IMPG2: variants seen among roughly 807,000 people sequenced by gnomAD.
IMPG2 encodes interphotoreceptor matrix proteoglycan 2, also known as IPM 200.
In IMPG2, 91 loss-of-function variants were observed where a neutral mutation model predicts 129.2. That is an observed-to-expected ratio of 0.70 (90% confidence interval 0.59 to 0.84). The LOEUF (loss-of-function observed/expected upper bound fraction) is 0.84, where lower values mean the gene tolerates loss of function less well. Among genes scored for constraint, IMPG2 ranks in the 40% least tolerant of loss-of-function variants. The probability of loss-of-function intolerance (pLI) is 0.00; values close to 1 mark genes in which losing one functional copy is unlikely to be tolerated. For missense variants in IMPG2, 1,430 were observed against 1,461.7 expected, an observed-to-expected ratio of 0.98 and a Z score of 0.35; for synonymous variants, 510 against 517.7, an observed-to-expected ratio of 0.99 and a Z score of 0.20.
chr3:101,236,147 G>C lies in IMPG2; in HGVS notation c.3023-3156C>G, dbSNP rs538520458. ...GATTTGCATTAGGTTAACACCACAA[G>C]AGTCAAGACTCCCGTGAGACTGAAA... On this transcript the variant is annotated intron_variant, in intron 14 of 18. Coordinates refer to ENST00000193391, the MANE Select transcript of IMPG2 (RefSeq NM_016247.4). Among the ~76,000 whole-genome samples, 4 of 152,276 alleles carry C rather than the reference G, an allele frequency of 2.6e-5. No individual in the cohort carries two copies. The East Asian group carries it at 7.7e-4, about 29-fold the overall frequency.
rs764552145 is a variant in IMPG2, at chr3:101,273,722, A to G, written c.687T>C (p.Asn229=). 15 of 1,613,982 alleles carry G rather than the reference A, an allele frequency of 9.3e-6. No individual in the cohort carries two copies. In the African/African-American group the frequency reaches 1.6e-4, roughly 17 times the overall value. Residue 229 remains asparagine (N), a synonymous_variant, in exon 7 of 19, where the codon AAT becomes AAC. Transcript: ENST00000193391. ...CTGGTTTTGTGGCTTCTTCTATCACATTCTCAATTTCATTGCTAATCTGAA... is the reference window on the plus strand; with the variant it reads ...CTGGTTTTGTGGCTTCTTCTATCACGTTCTCAATTTCATTGCTAATCTGAA... ...PEESISNEIE[N]VIEEATKPAG...
rs1167444879 is a variant in IMPG2 at position 101,244,492 on chromosome 3, A to G, written c.1839T>C (p.Thr613=). The G allele has an allele frequency of 1.9e-6, 3 of 1,613,274 alleles. No homozygotes were observed. Among genetic ancestry groups the G allele is most frequent in the Non-Finnish European group, 1.7e-6 (2 of 1,179,418 alleles). The change falls in exon 13 of 19, where the codon ACT becomes ACC. Residue 613 remains threonine (T), a synonymous_variant. Transcript: ENST00000193391. ...CTGATGAAGTCTCACTCCATGGCCA[A>G]GTAATCAGATCTACCTTTTGCCCAG... The part of the protein sequence containing the change: ...SGSGQKVDLI[T]WPWSETSSEK...
At chr3:101,247,326 G>T (rs1385912239) in intron 11 of IMPG2, among the ~76,000 whole-genome samples, 1 of 152,012 alleles carries the variant, frequency 6.6e-6, no homozygotes, top group African/African-American at 2.4e-5. Context: ...GGCCGGGAGT[G>T]GTGGCTCACG....
At chr3:101,230,488 C>G (rs937003890) in intron 16 of IMPG2, among the ~76,000 whole-genome samples, 2 of 152,224 alleles carry the variant, frequency 1.3e-5, no homozygotes, top group South Asian at 2.1e-4. Flanking sequence ...TTCACCTCTT[C>G]TATCTCATCT....
At chr3:101,285,661 T>C (rs1706938738) in intron 4 of IMPG2, among the ~76,000 whole-genome samples, 3 of 152,228 alleles carry the variant, frequency 2.0e-5, no homozygotes, top group Non-Finnish European at 4.4e-5. Flanking sequence ...GTCTGTCTAA[T>C]ATAAAGTAGT....
At chr3:101,274,957 A>G (rs1451635833) in intron 6 of IMPG2, among the ~76,000 whole-genome samples, 1 of 152,088 alleles carries the variant, frequency 6.6e-6, no homozygotes, top group Non-Finnish European at 1.5e-5. Context: ...GGAGCGACTT[A>G]ACCTGATTTC....
intron 4 of IMPG2, among the ~76,000 whole-genome samples, chr3:101,286,289 T>TA: frequency 6.6e-6 from 1 of 152,290 alleles, no homozygotes; most frequent in Non-Finnish European, 1.5e-5. Context: ...CTAAAACATT[T>TA]AAAAGGGCAA....
chr3:101,302,745 T>G (rs1369328911), intron 3 of IMPG2, among the ~76,000 whole-genome samples: 1 of 152,164 alleles, frequency 6.6e-6, no homozygotes, highest in Non-Finnish European at 1.5e-5. Context: ...TACTGAGCAG[T>G]TAAAAATGTG....
intron 9 of IMPG2, among the ~76,000 whole-genome samples, chr3:101,264,969 G>A (rs147481700): frequency 0.01 from 1,576 of 151,602 alleles, 16 homozygotes; most frequent in Middle Eastern, 0.014. Context: ...AATAAAATAC[G>A]TAAAAATAAA....
intron 3 of IMPG2, among the ~76,000 whole-genome samples, chr3:101,299,740 G>A (rs1487996933): frequency 2.0e-5 from 3 of 152,128 alleles, no homozygotes; most frequent in South Asian, 2.1e-4. Context: ...GATGTCACTC[G>A]AGGAGGCTGG....
At chr3:101,276,641 T>A (rs765430789) in intron 5 of IMPG2, 23 bp downstream of exon 5, 1 of 1,538,158 alleles carries the variant, frequency 6.5e-7, no homozygotes, top group Non-Finnish European at 9.0e-7. Flanking sequence ...AAAAGAAAAG[T>A]GAATGAAGAC....
intron 7 of IMPG2, among the ~76,000 whole-genome samples, chr3:101,271,576 T>A (rs980132219): frequency 2.6e-5 from 4 of 152,186 alleles, no homozygotes; most frequent in Non-Finnish European, 5.9e-5. Context: ...ATTAACTAAC[T>A]TGGCCAAGGT....
At chr3:101,312,712 A>C (rs1707280942) in intron 2 of IMPG2, among the ~76,000 whole-genome samples, 1 of 152,108 alleles carries the variant, frequency 6.6e-6, no homozygotes, top group African/African-American at 2.4e-5. Flanking sequence ...ATTGACTGAC[A>C]AATGTGATCT....
At chr3:101,298,908 A>G (rs1707111286) in intron 3 of IMPG2, among the ~76,000 whole-genome samples, 1 of 151,988 alleles carries the variant, frequency 6.6e-6, no homozygotes, top group South Asian at 2.1e-4. Context: ...AGTATCTTAG[A>G]GTGTTCTCTG....
chr3:101,304,036 A>G, intron 3 of IMPG2, 110 bp downstream of exon 3: 3 of 1,164,616 alleles, frequency 2.6e-6, no homozygotes, highest in Non-Finnish European at 3.8e-6. Flanking sequence ...GCCCAATTCA[A>G]CAAAAGAGTA....
chr3:101,284,283 G>T (rs1422441554), intron 4 of IMPG2, among the ~76,000 whole-genome samples: 1 of 152,208 alleles, frequency 6.6e-6, no homozygotes, highest in African/African-American at 2.4e-5. Context: ...CATCATAAAT[G>T]AGTTGTCTTC....
chr3:101,280,046 A>G (rs1463721672), intron 4 of IMPG2, among the ~76,000 whole-genome samples: 1 of 152,216 alleles, frequency 6.6e-6, no homozygotes, highest in Admixed American at 6.5e-5. Flanking sequence ...ATACTACTTA[A>G]TTTCTAAGTC....
chr3:101,288,938 A>G (rs971539532), intron 4 of IMPG2, among the ~76,000 whole-genome samples: 8 of 152,238 alleles, frequency 5.3e-5, no homozygotes, highest in Admixed American at 2.6e-4. Context: ...TTGGTTAAAC[A>G]AAGTCAACCA....
intron 2 of IMPG2, among the ~76,000 whole-genome samples, chr3:101,306,963 T>C (rs1424932726): frequency 6.6e-6 from 1 of 152,200 alleles, no homozygotes; most frequent in Admixed American, 6.6e-5. Context: ...ACCACATATC[T>C]GGCAGAAAAT....
Sources: gnomAD v4.1 joint callset for allele counts (sites outside exome capture counted in the v4.1 genomes callset) on GRCh38, gnomAD v4.1.1 for gene constraint, MANE v1.5 for transcripts, NCBI Gene and HGNC (gene_info 2026-07-23, HGNC 2026-07-21) for gene names.